Variants in LRP12 observed in about 807,000 individuals in gnomAD.
LRP12 encodes the protein LDL receptor related protein 12.
Under a neutral mutation model 66.0 loss-of-function variants are expected in LRP12, and 14 were observed. The observed-to-expected ratio is 0.21, with a 90% CI of 0.14 to 0.33. LRP12 has a LOEUF of 0.33. Among genes scored for constraint, LRP12 ranks in the 10% least tolerant of loss-of-function variants. The pLI is 1.00. For synonymous variants in LRP12, 357 were observed against 359.1 expected (o/e 0.99, Z 0.07); for missense variants, 889 against 1,053.4 (o/e 0.84, Z 2.16).
chr8:104,499,200 C>T (rs953999148), intron 4 of LRP12, 117 bp downstream of exon 4: 22 of 726,286 alleles, frequency 3.0e-5, no homozygotes, highest in Non-Finnish European at 4.8e-5. Context: ...TCAATCTCAG[C>T]TGCCTCAAGG....
intron 1 of LRP12, among the ~76,000 whole-genome samples, chr8:104,578,404 G>T (rs1225432220): frequency 6.6e-6 from 1 of 152,034 alleles, no homozygotes; most frequent in African/African-American, 2.4e-5. Context: ...GTAATAAACA[G>T]CCTACCAACC....
At chr8:104,522,471 A>C (rs1304920320) in intron 2 of LRP12, among the ~76,000 whole-genome samples, 1 of 152,108 alleles carries the variant, frequency 6.6e-6, no homozygotes, top group Non-Finnish European at 1.5e-5. Flanking sequence ...CGGATTAAGA[A>C]AGAAACTTCC....
At chr8:104,573,143 T>A (rs1219726626) in intron 1 of LRP12, among the ~76,000 whole-genome samples, 1 of 152,242 alleles carries the variant, frequency 6.6e-6, no homozygotes, top group African/African-American at 2.4e-5. Context: ...TAGGTTCTCC[T>A]TAATCTCCCA....
At chr8:104,517,640 G>A (rs572049550) in intron 2 of LRP12, among the ~76,000 whole-genome samples, 1 of 152,170 alleles carries the variant, frequency 6.6e-6, no homozygotes, top group South Asian at 2.1e-4. Context: ...CTGTTCATAA[G>A]CAAAGGATAA....
intron 1 of LRP12, among the ~76,000 whole-genome samples, chr8:104,563,495 ATGAATC>A (rs1450667810): frequency 6.6e-6 from 1 of 152,136 alleles, no homozygotes; most frequent in Non-Finnish European, 1.5e-5. Flanking sequence ...TGATAAGCAA[ATGAATC>A]TGTGTAAATA....
chr8:104,545,877 T>TTTTA (rs1237740761), intron 1 of LRP12, among the ~76,000 whole-genome samples: 1 of 152,160 alleles, frequency 6.6e-6, no homozygotes, highest in Admixed American at 6.5e-5. Context: ...GTTTATTAAG[T>TTTTA]TTTATAGCTT....
chr8:104,549,644 C>T (rs959838070), intron 1 of LRP12, among the ~76,000 whole-genome samples: 5 of 152,040 alleles, frequency 3.3e-5, no homozygotes, highest in Admixed American at 1.3e-4. Flanking sequence ...CCTCATGATC[C>T]GCCCGCCTCG....
chr8:104,548,242 ACG>A (rs1811643988), intron 1 of LRP12, among the ~76,000 whole-genome samples: 1 of 100,060 alleles, frequency 1.0e-5, no homozygotes, highest in Non-Finnish European at 1.7e-5. Context: ...ATATTAATAT[ACG>A]ATATATATTA....
intron 1 of LRP12, among the ~76,000 whole-genome samples, chr8:104,532,964 G>C (rs915314143): frequency 6.6e-6 from 1 of 152,026 alleles, no homozygotes; most frequent in African/African-American, 2.4e-5. Context: ...TATAGTGCCT[G>C]GCACATAGCA....
At chr8:104,529,616 C>A (rs539906079) in intron 2 of LRP12, among the ~76,000 whole-genome samples, 40 of 152,174 alleles carry the variant, frequency 2.6e-4, no homozygotes, top group Non-Finnish European at 5.6e-4. Context: ...TCTAAATTTC[C>A]AAATTTTCAT....
At chr8:104,548,275 T>A (rs1480157232) in intron 1 of LRP12, among the ~76,000 whole-genome samples, 32 of 90,440 alleles carry the variant, frequency 3.5e-4, no homozygotes, top group Admixed American at 5.6e-4. Context: ...TGATATATAT[T>A]ATATTAATAT....
chr8:104,552,931 A>AG (rs568593120), intron 1 of LRP12, among the ~76,000 whole-genome samples: 87 of 152,162 alleles, frequency 5.7e-4, no homozygotes, highest in Admixed American at 7.9e-4. Flanking sequence ...CCAAAGTGTG[A>AG]GGGGGGAACG....
In LRP12 at chr8:104,497,574, G is replaced by C. The variant is rs138841847; in HGVS notation, c.978C>G (p.His326Gln). 15 of 1,613,604 alleles carry C rather than the reference G, an allele frequency of 9.3e-6. No individual in the cohort carries two copies. In the African/African-American group the frequency reaches 1.7e-4, roughly 19 times the overall value. The change falls in exon 5 of 7, where the codon CAC becomes CAG. Residue 326 changes from histidine to glutamine, a missense_variant. This residue lies in a region of LRP12 where 800 missense variants were observed against 964.5 expected (regional missense o/e 0.83). Coordinates refer to ENST00000276654, the MANE Select transcript of LRP12 (RefSeq NM_013437.5). This position sits in a 1 kb window ranked among gnomAD's most constrained non-coding sequence, Gnocchi z 4.3. ...AAGCTGTCAACACACGCAAAAGCTT[G>C]TGTGGATTCTCCTCTAATCCATCAT... Reference protein sequence around the residue: ...KIYDGLEENPHKLLRVLTAFD... With the variant: ...KIYDGLEENPQKLLRVLTAFD...
At chr8:104,513,035 C>T (rs16871526) in intron 2 of LRP12, among the ~76,000 whole-genome samples, 10,863 of 152,180 alleles carry the variant, frequency 0.071, 1,097 homozygotes, top group African/African-American at 0.23. Flanking sequence ...AATTTGGAAT[C>T]TGGCTTCAGA....
intron 2 of LRP12, among the ~76,000 whole-genome samples, chr8:104,510,048 G>A (rs984997497): frequency 6.6e-6 from 1 of 152,154 alleles, no homozygotes; most frequent in African/African-American, 2.4e-5. Flanking sequence ...CATGGAGACT[G>A]ATCTATCCAT....
At position 104,489,425 on chromosome 8, in the gene LRP12, A is replaced by G. The variant is rs989965944; in HGVS notation, c.*1248T>C. ...CAAATCACACACAGATACATTTTTCATAATCATTAAACTACTAAAACAGAC... is the reference window on the plus strand; with the variant it reads ...CAAATCACACACAGATACATTTTTCGTAATCATTAAACTACTAAAACAGAC... On this transcript the variant is annotated 3_prime_UTR_variant, in exon 7 of 7. Coordinates refer to ENST00000276654, the MANE Select transcript of LRP12 (RefSeq NM_013437.5). The G allele has an allele frequency of 1.3e-5, 2 of 152,536 alleles. No individual in the cohort carries two copies. Among genetic ancestry groups the G allele is most frequent in the Admixed American group, 6.5e-5 (1 of 15,270 alleles). 9.4% of individuals were successfully genotyped at this position (152,536 alleles called of 1,614,324 possible).
rs987782371 is a variant in LRP12 at position 104,587,327 on chromosome 8, G to A, written c.79+1492C>T. On this transcript the variant is annotated intron_variant, in intron 1 of 6. Coordinates refer to ENST00000276654, the MANE Select transcript of LRP12 (RefSeq NM_013437.5). Reference sequence around the variant, plus strand: ...AACTATACCCACCTTCAGGGCAGAAGAAACAACGTAATAGCTTATTGATCT... The same window carrying A: ...AACTATACCCACCTTCAGGGCAGAAAAAACAACGTAATAGCTTATTGATCT... Among the ~76,000 whole-genome samples, 88 of 152,244 alleles carry A rather than the reference G, an allele frequency of 5.8e-4. 1 individual carries two copies. Among genetic ancestry groups the A allele is most frequent in the Non-Finnish European group, 7.1e-4 (48 of 68,026 alleles).
intron 1 of LRP12, among the ~76,000 whole-genome samples, chr8:104,543,192 T>C (rs1009317710): frequency 6.6e-6 from 1 of 152,098 alleles, no homozygotes; most frequent in Admixed American, 6.6e-5. Flanking sequence ...GTGTTGTTTT[T>C]CTGTTGTTGT....
At position 104,497,580 on chromosome 8, in the gene LRP12, A is replaced by G. The variant is rs374564687; in HGVS notation, c.972T>C (p.Asn324=). 6.2e-7 allele frequency: 1 copy of G among 1,613,626 alleles called. No individual in the cohort carries two copies. The highest frequency in any genetic ancestry group is 1.3e-5 in the African/African-American group (1 of 74,902). ...YVKIYDGLEE[N]PHKLLRVLTA... ...TCAACACACGCAAAAGCTTGTGTGG[A>G]TTCTCCTCTAATCCATCATATATTT... The change falls in exon 5 of 7, where the codon AAT becomes AAC. Residue 324 remains asparagine, a synonymous_variant. Coordinates refer to ENST00000276654, the MANE Select transcript of LRP12 (RefSeq NM_013437.5). The surrounding 1 kb of genome is among the most constrained non-coding windows in gnomAD (Gnocchi z 4.3).
Sources: gnomAD v4.1 joint callset for allele counts (sites outside exome capture counted in the v4.1 genomes callset) on GRCh38, gnomAD v4.1.1 for gene constraint, gnomAD v4.1.1 regional missense constraint, Gnocchi (gnomAD v3.1) non-coding constraint, MANE v1.5 for transcripts, NCBI Gene and HGNC (gene_info 2026-07-23, HGNC 2026-07-21) for gene names.